Variants in DIAPH2 observed in about 807,000 individuals in gnomAD.
The protein encoded by DIAPH2 is diaphanous related formin 2.
A neutral mutation model predicts 92.7 loss-of-function variants in DIAPH2; 35 were observed. The ratio of observed to expected loss-of-function variants is 0.38; its 90% confidence interval spans 0.29 to 0.50. The LOEUF is 0.50. DIAPH2 is among the 20% of genes least tolerant of loss of function. DIAPH2 has a pLI of 0.94. For synonymous variants in DIAPH2, 301 were observed against 280.4 expected (o/e 1.07, Z -0.73); for missense variants, 701 against 819.5 (o/e 0.86, Z 1.77).
intron 4 of DIAPH2, among the ~76,000 whole-genome samples, chrX:96,865,279 G>A (rs2065097604): frequency 8.9e-6 from 1 of 111,836 alleles, no homozygotes; most frequent in Non-Finnish European, 1.9e-5. Context: ...ACCTTGAGCA[G>A]TAGGATATAA....
intron 4 of DIAPH2, among the ~76,000 whole-genome samples, chrX:96,773,712 T>A: frequency 9.0e-6 from 1 of 110,754 alleles, no homozygotes; most frequent in Non-Finnish European, 1.9e-5. Context: ...TAGCTGGGTG[T>A]GGTGGCACAT....
intron 4 of DIAPH2, among the ~76,000 whole-genome samples, chrX:96,769,643 A>G (rs1008096384): frequency 1.8e-5 from 2 of 111,617 alleles, no homozygotes; most frequent in Non-Finnish European, 3.8e-5. Flanking sequence ...CCAGATAAAC[A>G]ATCTGACATA....
chrX:97,389,103 G>A lies in DIAPH2; in HGVS notation c.3145+5059G>A, dbSNP rs186328010. ...TTGCAAATCCCTGAAATGATCTTTC[G>A]GGGCCTCCAGGAGTCCCCCGCCACA... On this transcript the variant is annotated intron_variant, in intron 25 of 26. Transcript: ENST00000324765. 4.3e-4 allele frequency among the ~76,000 whole-genome samples: 47 copies of A among 110,550 alleles called. No homozygotes were observed. The East Asian group carries it at 0.012, about 28-fold the overall frequency.
chrX:97,539,954 T>C (rs5967324), intron 26 of DIAPH2, among the ~76,000 whole-genome samples: 13,012 of 111,276 alleles, frequency 0.12, 1,303 homozygotes, highest in African/African-American at 0.33. Context: ...TACCCCATTA[T>C]AGATTATTTA....
chrX:96,809,496 CT>C (rs1290027630), intron 4 of DIAPH2, among the ~76,000 whole-genome samples: 3 of 106,592 alleles, frequency 2.8e-5, no homozygotes, highest in Middle Eastern at 4.5e-3. Context: ...CACCACAACT[CT>C]TTTTTTTTCT....
chrX:97,159,552 A>C (rs930129697), intron 22 of DIAPH2, among the ~76,000 whole-genome samples: 15 of 111,999 alleles, frequency 1.3e-4, no homozygotes, highest in African/African-American at 4.2e-4. Context: ...TACTAACATT[A>C]CTGCCAAACA....
At chrX:96,785,977 T>A (rs1000410177) in intron 4 of DIAPH2, among the ~76,000 whole-genome samples, 2 of 111,282 alleles carry the variant, frequency 1.8e-5, no homozygotes, top group African/African-American at 6.5e-5. Context: ...AATTTTGAGC[T>A]CCCTGGAGCA....
At chrX:97,226,775 TTG>T (rs2067968922) in intron 22 of DIAPH2, among the ~76,000 whole-genome samples, 1 of 112,031 alleles carries the variant, frequency 8.9e-6, no homozygotes, top group African/African-American at 3.2e-5. Context: ...GTTTGTGTAT[TTG>T]TGTGTGTGTA....
chrX:97,566,392 A>T (rs1340032685), intron 26 of DIAPH2, among the ~76,000 whole-genome samples: 2 of 111,847 alleles, frequency 1.8e-5, no homozygotes, highest in East Asian at 2.8e-4. Flanking sequence ...ATCCAAACAC[A>T]TAGAAGGTGA....
chrX:97,434,022 A>T (rs754982703), intron 26 of DIAPH2, among the ~76,000 whole-genome samples: 3 of 112,077 alleles, frequency 2.7e-5, no homozygotes, highest in African/African-American at 9.7e-5. Context: ...GTCAAAAGAA[A>T]TGTCATTAAG....
At chrX:97,479,476 A>G (rs1048338833) in intron 26 of DIAPH2, among the ~76,000 whole-genome samples, 2 of 112,376 alleles carry the variant, frequency 1.8e-5, no homozygotes, top group Non-Finnish European at 3.8e-5. Flanking sequence ...TCTCTATGGC[A>G]CATCATCAGC....
At chrX:96,999,761 A>G (rs975432964) in intron 17 of DIAPH2, among the ~76,000 whole-genome samples, 10 of 111,414 alleles carry the variant, frequency 9.0e-5, no homozygotes, top group Non-Finnish European at 1.7e-4. Flanking sequence ...CCCAAATCTC[A>G]TCTTGAAATG....
At chrX:97,412,404 G>C (rs992527127) in intron 25 of DIAPH2, among the ~76,000 whole-genome samples, 1 of 112,111 alleles carries the variant, frequency 8.9e-6, no homozygotes, top group Non-Finnish European at 1.9e-5. Context: ...ATTTAAAGCA[G>C]CATGTAGAGG....
intron 22 of DIAPH2, among the ~76,000 whole-genome samples, chrX:97,220,935 C>A (rs887050079): frequency 9.0e-6 from 1 of 111,611 alleles, no homozygotes; most frequent in African/African-American, 3.3e-5. Flanking sequence ...TACATATTAA[C>A]AACCCTGATA....
At chrX:96,930,381 C>CTG (rs1361339331) in intron 9 of DIAPH2, among the ~76,000 whole-genome samples, 2 of 110,776 alleles carry the variant, frequency 1.8e-5, no homozygotes, top group South Asian at 3.8e-4. Flanking sequence ...GCCAAGTGTA[C>CTG]TGTGAGGACC....
chrX:96,854,598 C>CATATAT (rs57209486), intron 4 of DIAPH2, among the ~76,000 whole-genome samples: 789 of 36,971 alleles, frequency 0.021, 40 homozygotes, highest in Non-Finnish European at 0.027. Flanking sequence ...CTCTCTCTCT[C>CATATAT]ATATATATAT....
chrX:96,794,059 G>A (rs781362893), intron 4 of DIAPH2, among the ~76,000 whole-genome samples: 1 of 111,750 alleles, frequency 8.9e-6, no homozygotes, highest in East Asian at 2.8e-4. Flanking sequence ...GGAAGTCCAA[G>A]ATCAGGATAC....
At chrX:96,967,773 A>T (rs1397782699) in intron 17 of DIAPH2, among the ~76,000 whole-genome samples, 1 of 111,043 alleles carries the variant, frequency 9.0e-6, no homozygotes, top group Non-Finnish European at 1.9e-5. Flanking sequence ...TATATGTACC[A>T]CATTTTCTTT....
At position 96,994,868 on chromosome X, in the gene DIAPH2, A is replaced by G. The variant is rs867029505; in HGVS notation, c.2050+29661A>G. Among the ~76,000 whole-genome samples, 4 of 111,277 alleles carry G rather than the reference A, an allele frequency of 3.6e-5. No homozygotes were observed. In the Middle Eastern group the frequency reaches 0.014, roughly 386 times the overall value. ...CTGCCCCCATGATTCAATTACCTCTACTTGGTCTCTCAGTTGACACGTGGG... is the reference window on the plus strand; with the variant it reads ...CTGCCCCCATGATTCAATTACCTCTGCTTGGTCTCTCAGTTGACACGTGGG... On this transcript the variant is annotated intron_variant, in intron 17 of 26. Transcript: ENST00000324765.
Sources: allele counts gnomAD v4.1 joint callset (sites outside exome capture counted in the v4.1 genomes callset), GRCh38; gene constraint gnomAD v4.1.1; transcripts MANE v1.5; gene names NCBI Gene and HGNC (gene_info 2026-07-23, HGNC 2026-07-21).